Variants in CDH16 observed in about 807,000 individuals in gnomAD.
CDH16 encodes the protein cadherin-16.
Under a neutral mutation model 87.6 loss-of-function variants are expected in CDH16, and 79 were observed. That is an observed-to-expected ratio of 0.90 (90% CI 0.75 to 1.09). CDH16 has a LOEUF of 1.09. Among genes scored for constraint, CDH16 ranks in the 50% least tolerant of loss-of-function variants. The pLI, the probability that CDH16 is intolerant of heterozygous loss-of-function variation, is 0.00. For synonymous variants in CDH16, 457 were observed against 439.5 expected (o/e 1.04, Z -0.50); for missense variants, 1,124 against 1,071.7 (o/e 1.05, Z -0.68).
At chr16:66,918,380 A>G (rs992349393) in intron 1 of CDH16, among the ~76,000 whole-genome samples, 3 of 152,200 alleles carry the variant, frequency 2.0e-5, no homozygotes, top group African/African-American at 7.2e-5. Flanking sequence ...CAAAGTGGTA[A>G]TTTTCTAGCA....
At chr16:66,911,861 C>A (rs961191277) in intron 13 of CDH16, 38 bp downstream of exon 13, 1 of 1,548,290 alleles carries the variant, frequency 6.5e-7, no homozygotes, top group Non-Finnish European at 8.7e-7. Flanking sequence ...GGAGCAGGGG[C>A]AATCCAGTCC....
Position 66,909,080 on chromosome 16 carries a change from G to A in CDH16, c.2392+187C>T, listed in dbSNP as rs1467468697. Reference sequence around the variant, plus strand: ...ACAGTCAATGTGCAATCATGTGACCGTAGATGCTACTATCAATGATGATGA... The same window carrying A: ...ACAGTCAATGTGCAATCATGTGACCATAGATGCTACTATCAATGATGATGA... On this transcript the variant is annotated intron_variant, in intron 17 of 17. Coordinates refer to ENST00000299752, the MANE Select transcript of CDH16 (RefSeq NM_004062.4). This position sits in a 1 kb window ranked among gnomAD's most constrained non-coding sequence, Gnocchi z 4.1. 6.6e-6 allele frequency among the ~76,000 whole-genome samples: 1 copy of A among 152,178 alleles called. No homozygotes were observed. Among genetic ancestry groups the A allele is most frequent in the East Asian group, 1.9e-4 (1 of 5,200 alleles).
At position 66,908,316 on chromosome 16, in the gene CDH16, T is replaced by A. The variant is rs1962246971; in HGVS notation, c.*76A>T. 1 of 1,211,992 alleles carries A rather than the reference T, an allele frequency of 8.3e-7. No individual in the cohort carries two copies. Among genetic ancestry groups the A allele is most frequent in the African/African-American group, 1.5e-5 (1 of 67,338 alleles). 75.1% of individuals were successfully genotyped at this position (1,211,992 alleles called of 1,614,324 possible). A position where few individuals can be genotyped will look rare whatever the true frequency, so the allele number is the denominator to read the frequency against. ...ACTCTGTCCTGTCCCCTGCTGGATCTTGGGTGCTGGGCTCTCTCCCAGGGG... is the reference window on the plus strand; with the variant it reads ...ACTCTGTCCTGTCCCCTGCTGGATCATGGGTGCTGGGCTCTCTCCCAGGGG... On this transcript the variant is annotated 3_prime_UTR_variant, in exon 18 of 18. Transcript: ENST00000299752.
Position 66,916,441 on chromosome 16 carries a change from GA to G in CDH16, c.130-13del. 1 of 1,585,916 alleles carries G rather than the reference GA, an allele frequency of 6.3e-7. No homozygotes were observed. The highest frequency in any genetic ancestry group is 2.2e-5 in the East Asian group (1 of 44,516). On this transcript the variant is annotated splice_polypyrimidine_tract_variant and intron_variant, in intron 3 of 17. Coordinates refer to ENST00000299752, the MANE Select transcript of CDH16 (RefSeq NM_004062.4). This position sits in a 1 kb window ranked among gnomAD's most constrained non-coding sequence, Gnocchi z 4.1. ...CGGGGCAGCGGCAACTGATGGAAATGAACAGAAGTGAAGGGAGCGGTGGCCA... is the reference window on the plus strand; with the variant it reads ...CGGGGCAGCGGCAACTGATGGAAATGACAGAAGTGAAGGGAGCGGTGGCCA...
rs760624872 is a variant in CDH16 at position 66,913,266 on chromosome 16, G to C, written c.919C>G (p.Arg307Gly). The C allele has an allele frequency of 1.3e-6, 2 of 1,555,236 alleles. No homozygotes were observed. The highest frequency in any genetic ancestry group is 1.7e-6 in the Non-Finnish European group (2 of 1,149,104). Residue 307 changes from arginine (R) to glycine (G), a missense_variant, in exon 9 of 18, where the codon CGG becomes GGG. Physicochemically the swap from Arg to Gly is moderately radical, Grantham distance 125 (BLOSUM62 -2). Coordinates refer to ENST00000299752, the MANE Select transcript of CDH16 (RefSeq NM_004062.4). ...TCCTCGCCATGGGAATTCTGAGCCCGCACCTGGAGCAGGTACTGCGGTGGG... is the reference window on the plus strand; with the variant it reads ...TCCTCGCCATGGGAATTCTGAGCCCCCACCTGGAGCAGGTACTGCGGTGGG... The part of the protein sequence containing the change: ...EAQAEYLLQV[R>G]AQNSHGEDYA...
rs1962511285 is a variant in CDH16 at position 66,913,186 on chromosome 16, C to T, written c.999G>A (p.Val333=). The T allele has an allele frequency of 1.9e-6, 3 of 1,606,938 alleles. No individual in the cohort carries two copies. The highest frequency in any genetic ancestry group is 2.5e-6 in the Non-Finnish European group (3 of 1,176,604). ...TGGGGTCACGGGGAGGGCAGATAGG[C>T]ACGTTGTCATTCTCATCCATCACCA... ...HVLVMDENDN[V]PICPPRDPTV... The change falls in exon 9 of 18, where the codon GTG becomes GTA. Residue 333 remains valine (V), a synonymous_variant. Transcript: ENST00000299752.
In CDH16 at chr16:66,908,160, T is replaced by G; in HGVS notation, c.*232A>C. ...GGGCCCAGCCCAGTTCTCTGGGGCT[T>G]TATTATTGGGCAAACACCCTGACAT... On this transcript the variant is annotated 3_prime_UTR_variant, in exon 18 of 18. Transcript: ENST00000299752. 1 of 555,424 alleles carries G rather than the reference T, an allele frequency of 1.8e-6. No homozygotes were observed. Among genetic ancestry groups the G allele is most frequent in the Non-Finnish European group, 3.2e-6 (1 of 309,898 alleles). 34.4% of individuals were successfully genotyped at this position (555,424 alleles called of 1,614,324 possible). A position where few individuals can be genotyped will look rare whatever the true frequency, so the allele number is the denominator to read the frequency against.
At chr16:66,913,753 G>A (rs897246556) in intron 7 of CDH16, 140 bp from the exon 8 acceptor site, 2 of 1,127,420 alleles carry the variant, frequency 1.8e-6, no homozygotes, top group Non-Finnish European at 2.5e-6. Flanking sequence ...GAGTCCAGGT[G>A]GGATCCTTCT....
At chr16:66,911,095 G>A (rs1448406221) in intron 14 of CDH16, 87 bp downstream of exon 14, 4 of 1,379,468 alleles carry the variant, frequency 2.9e-6, no homozygotes, top group Non-Finnish European at 3.9e-6. Context: ...TGCCAGTGAG[G>A]GCCTCTGGGA....
chr16:66,911,347 T>A lies in CDH16; in HGVS notation c.1791-32A>T, dbSNP rs372239455. ...CCCAAAGAAGGAGGTGAGGAGGTAC[T>A]GGGACTACATATAGGGTTTTGCTCA... On this transcript the variant is annotated intron_variant, in intron 13 of 17. Transcript: ENST00000299752. 6.8e-6 allele frequency: 11 copies of A among 1,608,534 alleles called. No individual in the cohort carries two copies. In the African/African-American group the frequency reaches 1.5e-4, roughly 21 times the overall value.
chr16:66,911,441 G>C (rs1167823092), intron 13 of CDH16, 126 bp from the exon 14 acceptor site: 2 of 932,892 alleles, frequency 2.1e-6, no homozygotes, highest in Non-Finnish European at 3.1e-6. Context: ...CCACAGCAAA[G>C]CCTGGGGGGC....
At chr16:66,917,597 G>C in intron 3 of CDH16, 45 bp downstream of exon 3, 3 of 1,375,534 alleles carry the variant, frequency 2.2e-6, no homozygotes, top group Non-Finnish European at 3.1e-6. Context: ...GCAGGACTTT[G>C]CGGGGAGGGA....
chr16:66,914,583 C>T (rs1345235747), intron 6 of CDH16, among the ~76,000 whole-genome samples, 171 bp from the exon 7 acceptor site: 1 of 152,218 alleles, frequency 6.6e-6, no homozygotes, highest in Non-Finnish European at 1.5e-5. Flanking sequence ...CCAACAAGGA[C>T]ATGACAGTTT....
chr16:66,916,332 C>G lies in CDH16; in HGVS notation c.227G>C (p.Gly76Ala). 1 of 1,614,148 alleles carries G rather than the reference C, an allele frequency of 6.2e-7. No homozygotes were observed. Among genetic ancestry groups the G allele is most frequent in the Non-Finnish European group, 8.5e-7 (1 of 1,179,976 alleles). ...CAGGGCCCTGGTCACCAGCAGGAAG[C>G]CAGAATCTGGATCCATAGCAAATGG... is the stretch of plus-strand genomic sequence containing the variant. Reference protein sequence around the residue: ...EGPFAMDPDSGFLLVTRALDR... With the variant: ...EGPFAMDPDSAFLLVTRALDR... Residue 76 changes from glycine to alanine, a missense_variant, in exon 4 of 18, where the codon GGC (glycine) becomes GCC (alanine). Gly to Ala is a moderately conservative substitution (Grantham distance 60). Coordinates refer to ENST00000299752, the MANE Select transcript of CDH16 (RefSeq NM_004062.4). This position sits in a 1 kb window ranked among gnomAD's most constrained non-coding sequence, Gnocchi z 4.1.
intron 7 of CDH16, 135 bp downstream of exon 7, chr16:66,914,081 G>T: frequency 1.4e-6 from 1 of 731,540 alleles, no homozygotes; most frequent in Non-Finnish European, 2.3e-6. Flanking sequence ...AGTCCACAGT[G>T]GGAAGTAATG....
In CDH16 at chr16:66,916,370, C is replaced by T; in HGVS notation, c.189G>A (p.Lys63=). The T allele has an allele frequency of 2.5e-6, 4 of 1,614,004 alleles. No homozygotes were observed. The highest frequency in any genetic ancestry group is 3.4e-6 in the Non-Finnish European group (4 of 1,179,904). Residue 63 remains lysine, a synonymous_variant, in exon 4 of 18, where the codon AAG becomes AAA. Coordinates refer to ENST00000299752, the MANE Select transcript of CDH16 (RefSeq NM_004062.4). The surrounding 1 kb of genome is among the most constrained non-coding windows in gnomAD (Gnocchi z 4.1). ...CCATAGCAAATGGGCCCTCAGTTGC[C>T]TTGCCTGAGTCCCCTGACAGCACGA... is the stretch of plus-strand genomic sequence containing the variant. ...GQIVLSGDSG[K]ATEGPFAMDP... is the part of the protein sequence containing the mutation.
In CDH16 at chr16:66,909,152, G is replaced by A. The variant is rs557196019; in HGVS notation, c.2392+115C>T. On this transcript the variant is annotated intron_variant, in intron 17 of 17. Coordinates refer to ENST00000299752, the MANE Select transcript of CDH16 (RefSeq NM_004062.4). This position sits in a 1 kb window ranked among gnomAD's most constrained non-coding sequence, Gnocchi z 4.1. ...AGGCGCATAATGACTAGGAGAGTTG[G>A]GGGCTTCCTTTTTCAGAGCTAGGGG... 16 of 728,686 alleles carry A rather than the reference G, an allele frequency of 2.2e-5. No homozygotes were observed. The highest frequency in any genetic ancestry group is 2.2e-4 in the Admixed American group (11 of 51,016). 45.1% of individuals were successfully genotyped at this position (728,686 alleles called of 1,614,324 possible).
At position 66,913,213 on chromosome 16, in the gene CDH16, C is replaced by T. The variant is rs113003132; in HGVS notation, c.972G>A (p.Val324=). Residue 324 remains valine, a synonymous_variant, in exon 9 of 18, where the codon GTG becomes GTA. Transcript: ENST00000299752. Reference sequence around the variant, plus strand: ...CGTTGTCATTCTCATCCATCACCAGCACGTGCAGCTCCAGAGGGGCCGCAT... The same window carrying T: ...CGTTGTCATTCTCATCCATCACCAGTACGTGCAGCTCCAGAGGGGCCGCAT... ...EDYAAPLELH[V]LVMDENDNVP... 2.5e-6 allele frequency: 4 copies of T among 1,597,150 alleles called. No homozygotes were observed. Among genetic ancestry groups the T allele is most frequent in the African/African-American group, 2.7e-5 (2 of 74,386 alleles).
Position 66,909,500 on chromosome 16 carries a change from C to T in CDH16, c.2276-117G>A, listed in dbSNP as rs1033023081. On this transcript the variant is annotated intron_variant, in intron 16 of 17. Transcript: ENST00000299752. This position sits in a 1 kb window ranked among gnomAD's most constrained non-coding sequence, Gnocchi z 4.1. ...GTGTTTCTGCACATGTGTGTATTCA[C>T]ATGTGTGTGAAGATATATGCGCTAG... 1.4e-6 allele frequency: 1 copy of T among 702,528 alleles called. No individual in the cohort carries two copies. Among genetic ancestry groups the T allele is most frequent in the African/African-American group, 1.7e-5 (1 of 57,288 alleles). The allele number at this position is 702,528 out of a possible 1,614,324, so 43.5% of individuals were successfully genotyped here. A position where few individuals can be genotyped will look rare whatever the true frequency, so the allele number is the denominator to read the frequency against.
Sources: gnomAD v4.1 joint callset for allele counts (sites outside exome capture counted in the v4.1 genomes callset) on GRCh38, gnomAD v4.1.1 for gene constraint, Gnocchi (gnomAD v3.1) non-coding constraint, MANE v1.5 for transcripts, NCBI Gene and HGNC (gene_info 2026-07-23, HGNC 2026-07-21) for gene names.